PPIL2: variants seen among roughly 807,000 people sequenced by gnomAD.
PPIL2 encodes RING-type E3 ubiquitin-protein ligase PPIL2.
PPIL2 carries 50 observed loss-of-function variants against 75.2 expected under a neutral mutation model. The observed-to-expected ratio is 0.66, with a 90% confidence interval of 0.53 to 0.84. The LOEUF is 0.84. Among genes scored for constraint, PPIL2 ranks in the 40% least tolerant of loss-of-function variants. The pLI, the probability that PPIL2 is intolerant of heterozygous loss-of-function variation, is 0.00. For synonymous variants in PPIL2, 245 were observed against 258.8 expected, an observed-to-expected ratio of 0.95 and a Z score of 0.51; for missense variants, 590 against 685.0, an observed-to-expected ratio of 0.86 and a Z score of 1.55.
chr22:21,682,409 TCGTA>T, intron 7 of PPIL2, 24 bp from the exon 8 acceptor site: 1 of 1,596,296 alleles, frequency 6.3e-7, no homozygotes, highest in Non-Finnish European at 8.6e-7. Flanking sequence ...GGGGCAGGCA[TCGTA>T]AAACCACTTC....
chr22:21,682,479 C>G lies in PPIL2; in HGVS notation c.430C>G (p.Leu144Val), dbSNP rs150819622. The G allele has an allele frequency of 2.5e-6, 4 of 1,612,394 alleles. No individual in the cohort carries two copies. The East Asian group carries it at 6.7e-5, about 27-fold the overall frequency. The change falls in exon 8 of 20, where the codon CTG (leucine) becomes GTG (valine). Residue 144 changes from leucine (L) to valine (V), a missense_variant. Physicochemically the swap from Leu to Val is conservative, Grantham distance 32. Coordinates refer to ENST00000398831, the MANE Select transcript of PPIL2 (RefSeq NM_014337.4). ...TATCAAGGCCAAGAACTTCCGGGACCTGCTGACCGACGAGCCCTTCTCCCG... is the reference window on the plus strand; with the variant it reads ...TATCAAGGCCAAGAACTTCCGGGACGTGCTGACCGACGAGCCCTTCTCCCG... Reference protein sequence around the residue: ...LNIKAKNFRDLLTDEPFSRQD... With the variant: ...LNIKAKNFRDVLTDEPFSRQD...
At chr22:21,684,013 G>T (rs2067237147) in intron 9 of PPIL2, among the ~76,000 whole-genome samples, 1 of 150,976 alleles carries the variant, frequency 6.6e-6, no homozygotes, top group African/African-American at 2.4e-5. Flanking sequence ...TTCGAGACCA[G>T]CCTGGGCAAC....
At chr22:21,692,155 CTTT>C (rs1290128171) in intron 15 of PPIL2, among the ~76,000 whole-genome samples, 1 of 144,188 alleles carries the variant, frequency 6.9e-6, no homozygotes, top group Admixed American at 6.9e-5. Context: ...TCCTGACAGT[CTTT>C]TTTTTTTTTT....
chr22:21,666,460 C>A (rs1179736647), intron 1 of PPIL2, among the ~76,000 whole-genome samples: 1 of 152,184 alleles, frequency 6.6e-6, no homozygotes, highest in Non-Finnish European at 1.5e-5. Flanking sequence ...CTTCACGTCT[C>A]GCTGTGTTCT....
At chr22:21,691,408 C>T (rs1009094814) in intron 15 of PPIL2, among the ~76,000 whole-genome samples, 12 of 152,050 alleles carry the variant, frequency 7.9e-5, no homozygotes, top group South Asian at 4.2e-4. Context: ...AGGCCAGGCG[C>T]GGTGGCTCAT....
intron 4 of PPIL2, 25 bp from the exon 5 acceptor site, chr22:21,672,305 G>A: frequency 1.2e-6 from 2 of 1,602,714 alleles, no homozygotes; most frequent in Non-Finnish European, 1.7e-6. Context: ...CCCTGGTGAT[G>A]CTTTCTGTTC....
intron 6 of PPIL2, among the ~76,000 whole-genome samples, chr22:21,679,938 A>G (rs1601540113): frequency 1.3e-5 from 2 of 151,868 alleles, no homozygotes; most frequent in East Asian, 3.9e-4. Context: ...AAATACAAAA[A>G]ATTAGCCGGG....
intron 1 of PPIL2, chr22:21,669,357 C>G (rs183401072): frequency 4.4e-6 from 2 of 452,096 alleles, no homozygotes; most frequent in South Asian, 3.1e-5. Flanking sequence ...CTTTGTTGCC[C>G]CAGCTGTTCT....
chr22:21,672,113 A>G (rs2066656530), intron 4 of PPIL2, among the ~76,000 whole-genome samples: 2 of 152,248 alleles, frequency 1.3e-5, no homozygotes, highest in South Asian at 2.1e-4. Context: ...TTGTTTATAC[A>G]TAACTACAGT....
chr22:21,689,951 G>A lies in PPIL2; in HGVS notation c.1139+1102G>A, dbSNP rs8142802. Among the ~76,000 whole-genome samples the A allele has an allele frequency of 5.0e-3, 759 of 152,132 alleles. 4 individuals carry two copies. Among genetic ancestry groups the A allele is most frequent in the African/African-American group, 0.017 (700 of 41,498 alleles). On this transcript the variant is annotated intron_variant, in intron 15 of 19. Coordinates refer to ENST00000398831, the MANE Select transcript of PPIL2 (RefSeq NM_014337.4). ...GTGAACCCTGGCCTGTCGTGGCTTC[G>A]CCGTGGCCTTCTGCCAGCTCACTGT...
rs766004185 is a variant in PPIL2, at chr22:21,696,828, C to T, written c.*1338C>T. 6.4e-6 allele frequency: 10 copies of T among 1,560,214 alleles called. No individual in the cohort carries two copies. The highest frequency in any genetic ancestry group is 7.8e-6 in the Non-Finnish European group (9 of 1,152,646). On this transcript the variant is annotated 3_prime_UTR_variant, in exon 20 of 20. Coordinates refer to ENST00000398831, the MANE Select transcript of PPIL2 (RefSeq NM_014337.4). ...CTGCAGGCCTGAGCCCTTTGTCTCCCTGGATGCTGGGTGGCGCCTCATCTG... is the reference window on the plus strand; with the variant it reads ...CTGCAGGCCTGAGCCCTTTGTCTCCTTGGATGCTGGGTGGCGCCTCATCTG...
At position 21,697,229 on chromosome 22, in the gene PPIL2, T is replaced by TAGGCC; in HGVS notation, c.*1740_*1744dup. 1.8e-6 allele frequency: 1 copy of TAGGCC among 541,292 alleles called. No homozygotes were observed. The highest frequency in any genetic ancestry group is 3.3e-6 in the Non-Finnish European group (1 of 300,814). The allele number at this position is 541,292 out of a possible 1,614,324, so 33.5% of individuals were successfully genotyped here. On this transcript the variant is annotated 3_prime_UTR_variant, in exon 20 of 20. Transcript: ENST00000398831. ...GACTGCCCAGGTGTCCACACACCTG[T>TAGGCC]AGGCCTCTGAGCCAGCGTCCAGGGT...
intron 16 of PPIL2, 151 bp from the exon 17 acceptor site, chr22:21,694,442 C>A: frequency 1.3e-6 from 1 of 780,334 alleles, no homozygotes; most frequent in Non-Finnish European, 2.1e-6. Flanking sequence ...CCCGCCCTTG[C>A]CACTCCCTCT....
rs1263132846 is a variant in PPIL2, at chr22:21,695,333, C to T, written c.1467-61C>T. 4 of 1,538,986 alleles carry T rather than the reference C, an allele frequency of 2.6e-6. No individual in the cohort carries two copies. The South Asian group carries it at 3.6e-5, about 14-fold the overall frequency. ...ACACCGGGAGGGCTGTATGGAGACA[C>T]AGACAAGTCAGGAGGGGCTGAGGGA... On this transcript the variant is annotated intron_variant, in intron 19 of 19. Coordinates refer to ENST00000398831, the MANE Select transcript of PPIL2 (RefSeq NM_014337.4).
chr22:21,670,282 AATG>A, intron 2 of PPIL2: 1 of 1,418,684 alleles, frequency 7.0e-7, no homozygotes, highest in Non-Finnish European at 9.4e-7. Flanking sequence ...GAATAAAAAG[AATG>A]ATAATATTTT....
At position 21,682,523 on chromosome 22, in the gene PPIL2, C is replaced by T. The variant is rs144048687; in HGVS notation, c.474C>T (p.Leu158=). Residue 158 remains leucine, a synonymous_variant, in exon 8 of 20, where the codon CTC becomes CTT. Coordinates refer to ENST00000398831, the MANE Select transcript of PPIL2 (RefSeq NM_014337.4). ...EPFSRQDIIT[L]QDPTNLDKFN... is the part of the protein sequence containing the mutation. ...TCTCCCGGCAGGACATCATCACCCT[C>T]CAGGTGAGTGTCCCCTGCCTGCCTG... is the stretch of plus-strand genomic sequence containing the variant. The T allele has an allele frequency of 3.1e-5, 50 of 1,612,800 alleles. No homozygotes were observed. The African/African-American group carries it at 5.9e-4, about 19-fold the overall frequency.
At chr22:21,670,236 T>C (rs561856663) in intron 2 of PPIL2, 1 of 1,149,096 alleles carries the variant, frequency 8.7e-7, no homozygotes, top group Non-Finnish European at 1.2e-6. Context: ...AAATTACATG[T>C]ACATTTAAAT....
chr22:21,689,812 G>T (rs1014193594), intron 15 of PPIL2, among the ~76,000 whole-genome samples: 7 of 152,162 alleles, frequency 4.6e-5, no homozygotes, highest in African/African-American at 1.4e-4. Context: ...CTTTTTAGAG[G>T]TTTCTTTGTT....
At chr22:21,683,654 A>G (rs1281398534) in intron 9 of PPIL2, among the ~76,000 whole-genome samples, 1 of 152,212 alleles carries the variant, frequency 6.6e-6, no homozygotes. Context: ...CTTTGTGAGC[A>G]TTGTTTGAAC....
Sources: gnomAD v4.1 joint callset for allele counts (sites outside exome capture counted in the v4.1 genomes callset) on GRCh38, gnomAD v4.1.1 for gene constraint, MANE v1.5 for transcripts, NCBI Gene and HGNC (gene_info 2026-07-23, HGNC 2026-07-21) for gene names.